The following CES4A variants were observed in gnomAD, a reference collection of about 807,000 sequenced individuals.
CES4A encodes the protein carboxylesterase 6.
CES4A carries 48 observed loss-of-function variants against 65.4 expected under a neutral mutation model. The observed-to-expected ratio is 0.73, with a 90% CI of 0.58 to 0.93. The LOEUF (loss-of-function observed/expected upper bound fraction) is 0.93, where lower values mean the gene tolerates loss of function less well. Among genes scored for constraint, CES4A ranks in the 40% least tolerant of loss-of-function variants. The pLI, the probability that CES4A is intolerant of heterozygous loss-of-function variation, is 0.00. For missense variants in CES4A, 685 were observed against 728.5 expected, an observed-to-expected ratio of 0.94 and a Z score of 0.69; for synonymous variants, 247 against 281.8, an observed-to-expected ratio of 0.88 and a Z score of 1.24.
At chr16:67,008,984 G>C in exon 14 of CES4A, 1 of 1,612,566 alleles carries the variant, frequency 6.2e-7, no homozygotes, top group East Asian at 2.2e-5. Flanking sequence ...AAACCCCAAT[G>C]ATGGGAATCT....
chr16:67,002,109 A>G (rs1161309502), intron 5 of CES4A, among the ~76,000 whole-genome samples: 1 of 152,242 alleles, frequency 6.6e-6, no homozygotes, highest in Non-Finnish European at 1.5e-5. Flanking sequence ...AGATAAAGAA[A>G]CGAAGGCCCA....
chr16:66,990,073 C>T (rs1225260075), intron 1 of CES4A, among the ~76,000 whole-genome samples: 6 of 114,516 alleles, frequency 5.2e-5, no homozygotes, highest in South Asian at 5.6e-4. Flanking sequence ...TTTTTTGAGA[C>T]GGAGTCTCGC....
intron 13 of CES4A, chr16:67,007,599 CA>C (rs1170668387): frequency 6.6e-6 from 1 of 151,958 alleles, no homozygotes; most frequent in African/African-American, 2.4e-5. Context: ...TTATGACACT[CA>C]AAGTGTCTTT....
exon 14 of CES4A, chr16:67,009,292 G>T: frequency 4.1e-6 from 3 of 730,088 alleles, no homozygotes; most frequent in Non-Finnish European, 6.6e-6. Flanking sequence ...GCCAAAGCTA[G>T]AGCTTTTGCC....
At chr16:67,009,289 C>A (rs1382545379) in exon 14 of CES4A, 3 of 759,244 alleles carry the variant, frequency 4.0e-6, no homozygotes. Flanking sequence ...CAGGCCAAAG[C>A]TAGAGCTTTT....
chr16:66,996,287 G>A (rs1035144973), intron 2 of CES4A: 8 of 327,632 alleles, frequency 2.4e-5, no homozygotes, highest in African/African-American at 1.1e-4. Flanking sequence ...CACATGCCTC[G>A]GCCTCCCAAA....
exon 9 of CES4A, chr16:67,004,119 G>C (rs754850275): frequency 6.2e-7 from 1 of 1,614,140 alleles, no homozygotes; most frequent in Admixed American, 1.7e-5. Flanking sequence ...TGGATGGTGT[G>C]GTGATCCCAG....
At chr16:66,994,496 C>A (rs951718993) in intron 1 of CES4A, among the ~76,000 whole-genome samples, 4 of 148,966 alleles carry the variant, frequency 2.7e-5, no homozygotes, top group African/African-American at 9.8e-5. Context: ...CAGGCGTGAG[C>A]CACCGCGCGC....
intron 1 of CES4A, among the ~76,000 whole-genome samples, chr16:66,989,946 A>G (rs1037284117): frequency 1.3e-5 from 2 of 152,054 alleles, no homozygotes; most frequent in Admixed American, 6.6e-5. Flanking sequence ...TCTATCATAA[A>G]TAAATTTTGC....
At position 66,997,264 on chromosome 16, in the gene CES4A, T is replaced by C. The variant is rs71392173; in HGVS notation, c.260+1435T>C. 5.4e-3 allele frequency among the ~76,000 whole-genome samples: 826 copies of C among 152,066 alleles called. 3 individuals carry two copies. Among genetic ancestry groups the C allele is most frequent in the Middle Eastern group, 0.01 (3 of 292 alleles). ...CTGTTAGAACCCTGGAGATCAGGGA[T>C]TTAGAGGTTAGAGTGTTCACTGTAT... On this transcript the variant is annotated intron_variant, in intron 2 of 13. Coordinates refer to ENST00000648724, the Ensembl canonical transcript of CES4A.
In CES4A at chr16:67,001,594, C is replaced by A; in HGVS notation, c.690+133C>A. The A allele has an allele frequency of 9.2e-7, 1 of 1,089,782 alleles. No homozygotes were observed. 67.5% of individuals were successfully genotyped at this position (1,089,782 alleles called of 1,614,324 possible). A position where few individuals can be genotyped will look rare whatever the true frequency, so the allele number is the denominator to read the frequency against. On this transcript the variant is annotated intron_variant, in intron 5 of 13. Coordinates refer to ENST00000648724, the Ensembl canonical transcript of CES4A. The surrounding 1 kb of genome is among the most constrained non-coding windows in gnomAD (Gnocchi z 4.1). ...GCCTGCCACAGAAATGCTCTCGCCC[C>A]TGCCAAGGGTACAGCCCCTCATAGC...
In CES4A at chr16:67,001,142, C is replaced by T. The variant is rs968710755; in HGVS notation, c.536+152C>T. 5 of 1,377,166 alleles carry T rather than the reference C, an allele frequency of 3.6e-6. No homozygotes were observed. In the African/African-American group the frequency reaches 7.2e-5, roughly 20 times the overall value. The allele number at this position is 1,377,166 out of a possible 1,614,324, so 85.3% of individuals were successfully genotyped here. A position where few individuals can be genotyped will look rare whatever the true frequency, so the allele number is the denominator to read the frequency against. On this transcript the variant is annotated intron_variant, in intron 4 of 13. Transcript: ENST00000648724. The surrounding 1 kb of genome is among the most constrained non-coding windows in gnomAD (Gnocchi z 4.1). The stretch of plus-strand genomic sequence containing the variant: ...GCGCTCGGTGGAAGGGGCGGGCGCT[C>T]CATACCATCTGGATGGGGCGAGCTA...
intron 10 of CES4A, 52 bp from the exon 11 acceptor site, chr16:67,005,188 C>G: frequency 6.3e-7 from 1 of 1,596,434 alleles, no homozygotes; most frequent in East Asian, 2.2e-5. Flanking sequence ...GTGGGCCCAC[C>G]TCTGGCCCAG....
intron 11 of CES4A, 61 bp from the exon 12 acceptor site, chr16:67,006,330 G>A (rs1280344171): frequency 6.5e-7 from 1 of 1,527,742 alleles, no homozygotes; most frequent in African/African-American, 1.4e-5. Flanking sequence ...GAGGCATGGG[G>A]TGGATGAGAA....
chr16:66,992,878 G>T (rs1038245166), intron 1 of CES4A, among the ~76,000 whole-genome samples: 1 of 152,156 alleles, frequency 6.6e-6, no homozygotes, highest in Non-Finnish European at 1.5e-5. Flanking sequence ...TAGAGATGGG[G>T]TTTCACCATG....
At chr16:66,995,946 G>A in intron 2 of CES4A, 117 bp downstream of exon 2, 7 of 1,001,574 alleles carry the variant, frequency 7.0e-6, no homozygotes, top group South Asian at 1.4e-5. Context: ...CAGGCCTGGG[G>A]CCCATTCTGG....
intron 10 of CES4A, 112 bp from the exon 11 acceptor site, chr16:67,005,128 C>A: frequency 1.8e-6 from 2 of 1,128,628 alleles, no homozygotes; most frequent in Non-Finnish European, 2.6e-6. Context: ...CCTTTCTCCC[C>A]CTCCCAGGCC....
intron 1 of CES4A, 99 bp from the exon 2 acceptor site, chr16:66,995,529 C>T: frequency 1.0e-6 from 1 of 995,818 alleles, no homozygotes; most frequent in Non-Finnish European, 1.6e-6. Context: ...CCTCTCTTTC[C>T]AGGTGCCTTG....
intron 2 of CES4A, among the ~76,000 whole-genome samples, chr16:66,999,889 A>G (rs1011758035): frequency 5.9e-5 from 9 of 152,160 alleles, no homozygotes; most frequent in African/African-American, 2.2e-4. Context: ...TTAAACACGA[A>G]TAGGAGTTTG....
Sources: allele counts gnomAD v4.1 joint callset (sites outside exome capture counted in the v4.1 genomes callset), GRCh38; gene constraint gnomAD v4.1.1; non-coding constraint Gnocchi (gnomAD v3.1); transcripts MANE v1.5; gene names NCBI Gene and HGNC (gene_info 2026-07-23, HGNC 2026-07-21).